NOL10: variants seen among roughly 807,000 people sequenced by gnomAD.
The protein encoded by NOL10 is H_NH0074G24.1.
A neutral mutation model predicts 103.5 loss-of-function variants in NOL10; 58 were observed. That is an observed-to-expected ratio of 0.56 (90% CI 0.45 to 0.70). The LOEUF (loss-of-function observed/expected upper bound fraction) is 0.70, where lower values mean the gene tolerates loss of function less well. Among genes scored for constraint, NOL10 ranks in the 30% least tolerant of loss-of-function variants. The pLI is 0.00. For synonymous variants in NOL10, 287 were observed against 282.5 expected, an observed-to-expected ratio of 1.02 and a Z score of -0.16; for missense variants, 763 against 807.3, an observed-to-expected ratio of 0.95 and a Z score of 0.67.
At position 10,643,668 on chromosome 2, in the gene NOL10, G is replaced by C. The variant is rs145052614; in HGVS notation, c.1026+652C>G. Reference sequence around the variant, plus strand: ...TTATTTTTAAAAGAAACAAACTATAGTGAGATGACTTGAAGAGTAATAGAC... The same window carrying C: ...TTATTTTTAAAAGAAACAAACTATACTGAGATGACTTGAAGAGTAATAGAC... On this transcript the variant is annotated intron_variant, in intron 13 of 20. Coordinates refer to ENST00000381685, the MANE Select transcript of NOL10 (RefSeq NM_024894.4). 4.6e-5 allele frequency among the ~76,000 whole-genome samples: 7 copies of C among 152,072 alleles called. No homozygotes were observed. The East Asian group carries it at 1.2e-3, about 25-fold the overall frequency.
At position 10,657,829 on chromosome 2, in the gene NOL10, C is replaced by A. The variant is rs768709195; in HGVS notation, c.819G>T (p.Leu273=). Reference sequence around the variant, plus strand: ...CCTGGAAATGAACGGACTTAATGGGCAGCCCATACTGGTGATCTTTAACTA... The same window carrying A: ...CCTGGAAATGAACGGACTTAATGGGAAGCCCATACTGGTGATCTTTAACTA... ...PLLVKDHQYG[L]PIKSVHFQDS... is the part of the protein sequence containing the mutation. Residue 273 remains leucine, a synonymous_variant, in exon 11 of 21, where the codon CTG becomes CTT. Transcript: ENST00000381685. 6.4e-5 allele frequency: 100 copies of A among 1,550,552 alleles called. No homozygotes were observed. Among genetic ancestry groups the A allele is most frequent in the Non-Finnish European group, 8.5e-5 (98 of 1,146,384 alleles).
intron 6 of NOL10, among the ~76,000 whole-genome samples, chr2:10,670,923 A>C (rs1680890636): frequency 6.6e-6 from 1 of 152,242 alleles, no homozygotes; most frequent in South Asian, 2.1e-4. Flanking sequence ...TTTTGTTCAG[A>C]ATTTAGTAGA....
At chr2:10,665,159 T>C (rs1680492283) in intron 8 of NOL10, among the ~76,000 whole-genome samples, 1 of 152,220 alleles carries the variant, frequency 6.6e-6, no homozygotes, top group Non-Finnish European at 1.5e-5. Context: ...GGAAACCTTT[T>C]TAAACTACAG....
chr2:10,590,618 C>A (rs565085932), intron 17 of NOL10, among the ~76,000 whole-genome samples: 23 of 152,264 alleles, frequency 1.5e-4, no homozygotes, highest in African/African-American at 4.6e-4. Context: ...TCAATATTCC[C>A]CCTCAGGTCA....
chr2:10,654,348 C>T (rs1408209437), intron 12 of NOL10, 133 bp downstream of exon 12: 3 of 639,150 alleles, frequency 4.7e-6, no homozygotes, highest in African/African-American at 2.0e-5. Context: ...CTGACAAAGC[C>T]AAATTCTATC....
At position 10,664,774 on chromosome 2, in the gene NOL10, G is replaced by A. The variant is rs960325077; in HGVS notation, c.592-1730C>T. Among the ~76,000 whole-genome samples, 19 of 152,144 alleles carry A rather than the reference G, an allele frequency of 1.2e-4. 1 individual carries two copies. In the South Asian group the frequency reaches 3.9e-3, roughly 31 times the overall value. On this transcript the variant is annotated intron_variant, in intron 8 of 20. Coordinates refer to ENST00000381685, the MANE Select transcript of NOL10 (RefSeq NM_024894.4). ...TGGTCTCGAACTCCTGGACTCAAGC[G>A]TTCCACCCACTCGCACTTCCAAAGA...
At chr2:10,595,841 G>A (rs1187683094) in intron 17 of NOL10, among the ~76,000 whole-genome samples, 2 of 151,980 alleles carry the variant, frequency 1.3e-5, no homozygotes, top group African/African-American at 4.8e-5. Context: ...CTGGCCTCAA[G>A]TGATCTGCCT....
At chr2:10,609,358 C>A (rs1303065708) in intron 13 of NOL10, among the ~76,000 whole-genome samples, 1 of 141,060 alleles carries the variant, frequency 7.1e-6, no homozygotes, top group Non-Finnish European at 1.5e-5. Context: ...GAGGCCGAGG[C>A]GGGAGGATCA....
chr2:10,623,848 C>T (rs572391580), intron 13 of NOL10, among the ~76,000 whole-genome samples: 140 of 152,252 alleles, frequency 9.2e-4, no homozygotes, highest in Non-Finnish European at 1.2e-3. Flanking sequence ...AGATACTATA[C>T]GCTATAAATC....
intron 20 of NOL10, among the ~76,000 whole-genome samples, chr2:10,575,009 C>A (rs1000595809): frequency 6.6e-6 from 1 of 152,214 alleles, no homozygotes; most frequent in Admixed American, 6.6e-5. Context: ...CGCCATGTGG[C>A]GGATTCAGGA....
At chr2:10,634,768 A>C (rs1182289563) in intron 13 of NOL10, among the ~76,000 whole-genome samples, 1 of 152,208 alleles carries the variant, frequency 6.6e-6, no homozygotes, top group African/African-American at 2.4e-5. Flanking sequence ...GAGCCAGTGA[A>C]GACTGAAAAG....
intron 17 of NOL10, among the ~76,000 whole-genome samples, chr2:10,591,770 G>A (rs1365625891): frequency 1.3e-5 from 2 of 152,146 alleles, no homozygotes; most frequent in African/African-American, 4.8e-5. Flanking sequence ...TTGGGAGGCT[G>A]AGGTGGGAGG....
rs760162756 is a variant in NOL10 at position 10,589,609 on chromosome 2, C to T, written c.1565G>A (p.Arg522Lys). Residue 522 changes from arginine to lysine, a missense_variant, in exon 18 of 21, where the codon AGA becomes AAA. By Grantham distance (26) the Arg-to-Lys change is conservative. Transcript: ENST00000381685. ...KISEKRKKKL[R>K]LLEQQELREK... is the part of the protein sequence containing the mutation. ...ACGAAGTTCTTGTTGCTCTAAGAGTCTTAGTTTCTTCTTCCTTTTTTCACT... is the reference window on the plus strand; with the variant it reads ...ACGAAGTTCTTGTTGCTCTAAGAGTTTTAGTTTCTTCTTCCTTTTTTCACT... 14 of 1,587,030 alleles carry T rather than the reference C, an allele frequency of 8.8e-6. No individual in the cohort carries two copies. Among genetic ancestry groups the T allele is most frequent in the Middle Eastern group, 1.7e-4 (1 of 5,960 alleles).
chr2:10,632,529 A>C (rs942666238), intron 13 of NOL10, among the ~76,000 whole-genome samples: 1 of 152,204 alleles, frequency 6.6e-6, no homozygotes, highest in African/African-American at 2.4e-5. Context: ...CTATTTTACA[A>C]CTTTGCAAAT....
intron 1 of NOL10, among the ~76,000 whole-genome samples, chr2:10,685,394 G>A (rs908612372): frequency 2.6e-5 from 4 of 151,006 alleles, no homozygotes; most frequent in Non-Finnish European, 4.4e-5. Context: ...TCGGGAGGCT[G>A]AGGAAGGGGA....
In NOL10 at chr2:10,577,873, C is replaced by A. The variant is rs760662007; in HGVS notation, c.1845-135G>T. 4 of 622,564 alleles carry A rather than the reference C, an allele frequency of 6.4e-6. No individual in the cohort carries two copies. The East Asian group carries it at 1.1e-4, about 17-fold the overall frequency. The allele number at this position is 622,564 out of a possible 1,614,324, so 38.6% of individuals were successfully genotyped here. Reference sequence around the variant, plus strand: ...AACAGAAAATATCATTCATTTAACACAATAAATGGAAAGAATTAGGTGCAT... The same window carrying A: ...AACAGAAAATATCATTCATTTAACAAAATAAATGGAAAGAATTAGGTGCAT... On this transcript the variant is annotated intron_variant, in intron 19 of 20. Transcript: ENST00000381685.
In NOL10 at chr2:10,650,772, T is replaced by C. The variant is rs1353292878; in HGVS notation, c.973+3709A>G. On this transcript the variant is annotated intron_variant, in intron 12 of 20. Transcript: ENST00000381685. Reference sequence around the variant, plus strand: ...CCCTGTCTCTGAAAAAATAAATAAATACAGACCAGGCGAAAAAATAAAATC... The same window carrying C: ...CCCTGTCTCTGAAAAAATAAATAAACACAGACCAGGCGAAAAAATAAAATC... 2.0e-5 allele frequency among the ~76,000 whole-genome samples: 3 copies of C among 152,112 alleles called. No individual in the cohort carries two copies. In the East Asian group the frequency reaches 5.8e-4, roughly 29 times the overall value.
At position 10,587,043 on chromosome 2, in the gene NOL10, G is replaced by GTA. The variant is rs1392448914; in HGVS notation, c.1844+1998_1844+1999dup. On this transcript the variant is annotated intron_variant, in intron 19 of 20. Coordinates refer to ENST00000381685, the MANE Select transcript of NOL10 (RefSeq NM_024894.4). ...AAATAAATAACACAAAAAGTTAAAT[G>GTA]TATATATATATACATATATATATAC... 1.2e-4 allele frequency among the ~76,000 whole-genome samples: 7 copies of GTA among 60,814 alleles called. 1 individual carries two copies. The highest frequency in any genetic ancestry group is 1.8e-4 in the Non-Finnish European group (5 of 27,980). 39.9% of individuals were successfully genotyped at this position (60,814 alleles called of 152,430 possible).
intron 10 of NOL10, 92 bp downstream of exon 10, chr2:10,659,072 TATGATCTC>T: frequency 3.7e-6 from 3 of 807,678 alleles, no homozygotes; most frequent in Non-Finnish European, 6.3e-6. Context: ...GCTAAAATAG[TATGATCTC>T]ATTTTCTGTT....
Sources: gnomAD v4.1 joint callset for allele counts (sites outside exome capture counted in the v4.1 genomes callset) on GRCh38, gnomAD v4.1.1 for gene constraint, MANE v1.5 for transcripts, NCBI Gene and HGNC (gene_info 2026-07-23, HGNC 2026-07-21) for gene names.